The following MYO5A variants were observed in gnomAD, a reference collection of about 807,000 sequenced individuals.
MYO5A encodes unconventional myosin-Va.
MYO5A carries 98 observed loss-of-function variants against 249.7 expected under a neutral mutation model. The ratio of observed to expected loss-of-function variants is 0.39; its 90% confidence interval spans 0.33 to 0.46. The LOEUF (loss-of-function observed/expected upper bound fraction) is 0.46, where lower values mean the gene tolerates loss of function less well. Among genes scored for constraint, MYO5A ranks in the 20% least tolerant of loss-of-function variants. The probability of loss-of-function intolerance (pLI) is 0.98; values close to 1 mark genes in which losing one functional copy is unlikely to be tolerated. For missense variants in MYO5A, 1,696 were observed against 2,308.8 expected (o/e 0.73, Z 5.44); for synonymous variants, 778 against 810.6 (o/e 0.96, Z 0.68).
chr15:52,412,235 C>A (rs1361428707), intron 5 of MYO5A, among the ~76,000 whole-genome samples: 1 of 152,184 alleles, frequency 6.6e-6, no homozygotes, highest in Admixed American at 6.6e-5. Flanking sequence ...CACAGCTTCT[C>A]CTCCTTCCTC....
At chr15:52,354,709 C>G (rs2040124876) in intron 25 of MYO5A, among the ~76,000 whole-genome samples, 1 of 152,098 alleles carries the variant, frequency 6.6e-6, no homozygotes, top group Non-Finnish European at 1.5e-5. Flanking sequence ...TAAAAATTAG[C>G]CGGGCCTGGT....
chr15:52,489,457 G>A (rs978557077), intron 1 of MYO5A, among the ~76,000 whole-genome samples: 12 of 152,042 alleles, frequency 7.9e-5, no homozygotes, highest in South Asian at 6.2e-4. Flanking sequence ...CCAGCTACTC[G>A]GGAGGCGGAG....
intron 1 of MYO5A, among the ~76,000 whole-genome samples, chr15:52,507,681 T>G (rs1259687237): frequency 6.6e-6 from 1 of 151,392 alleles, no homozygotes; most frequent in Non-Finnish European, 1.5e-5. Context: ...CAGGGCATAG[T>G]GGCATGCACC....
chr15:52,481,575 T>C (rs968949882), intron 1 of MYO5A, among the ~76,000 whole-genome samples: 10 of 152,102 alleles, frequency 6.6e-5, no homozygotes, highest in Non-Finnish European at 1.5e-4. Flanking sequence ...CTCACCCAAC[T>C]TGTGCAAAGA....
At position 52,358,258 on chromosome 15, in the gene MYO5A, G is replaced by A. The variant is rs1183480282; in HGVS notation, c.3423+1710C>T. Among the ~76,000 whole-genome samples, 3 of 152,198 alleles carry A rather than the reference G, an allele frequency of 2.0e-5. No individual in the cohort carries two copies. The South Asian group carries it at 6.2e-4, about 32-fold the overall frequency. Reference sequence around the variant, plus strand: ...ATGGCTTCCCCCTACCAGCAGAGCTGCTAAAGTGGTACTACACTGGAATGG... The same window carrying A: ...ATGGCTTCCCCCTACCAGCAGAGCTACTAAAGTGGTACTACACTGGAATGG... On this transcript the variant is annotated intron_variant, in intron 25 of 41. Coordinates refer to ENST00000399233, the MANE Select transcript of MYO5A (RefSeq NM_001382347.1).
At position 52,450,843 on chromosome 15, in the gene MYO5A, G is replaced by GTTTT. The variant is rs56842960; in HGVS notation, c.28-17562_28-17559dup. ...CTTATGATTAGATTGCACTACTGTG[G>GTTTT]TTTTTTTTTTTTTTTTTTTTTTGTG... On this transcript the variant is annotated intron_variant, in intron 1 of 41. Coordinates refer to ENST00000399233, the MANE Select transcript of MYO5A (RefSeq NM_001382347.1). Among the ~76,000 whole-genome samples the GTTTT allele has an allele frequency of 3.9e-3, 332 of 84,450 alleles. 5 individuals are homozygous for GTTTT. The highest frequency in any genetic ancestry group is 0.011 in the Middle Eastern group (1 of 92). The allele number at this position is 84,450 out of a possible 152,430, so 55.4% of individuals were successfully genotyped here.
At chr15:52,403,984 T>C (rs2042877964) in intron 9 of MYO5A, among the ~76,000 whole-genome samples, 1 of 152,092 alleles carries the variant, frequency 6.6e-6, no homozygotes, top group Non-Finnish European at 1.5e-5. Context: ...CAGGGCTGGA[T>C]GTGGTGGCTC....
chr15:52,339,826 G>A (rs1314463976), intron 32 of MYO5A, among the ~76,000 whole-genome samples: 1 of 152,146 alleles, frequency 6.6e-6, no homozygotes, highest in Non-Finnish European at 1.5e-5. Flanking sequence ...GGGACCAAAG[G>A]TAAAGGAAGC....
rs2042535499 is a variant in MYO5A at position 52,397,382 on chromosome 15, G to T, written c.1138C>A (p.Leu380Met). The change falls in exon 10 of 42, where the codon CTG (leucine) becomes ATG (methionine). Residue 380 changes from leucine to methionine, a missense_variant. By Grantham distance (15) the Leu-to-Met change is conservative. This residue lies in a region of MYO5A where 185 missense variants were observed against 204.8 expected (regional missense o/e 0.90). Transcript: ENST00000399233. ...EMCHWLCHRKLATATETYIKP... is the reference protein window; with the variant it reads ...EMCHWLCHRKMATATETYIKP... ...ATGTATGTCTCTGTGGCAGTAGCCA[G>T]TTTCCGATGGCAGAGCCAGTGACAC... 6.2e-7 allele frequency: 1 copy of T among 1,614,026 alleles called. No homozygotes were observed. Among genetic ancestry groups the T allele is most frequent in the Non-Finnish European group, 8.5e-7 (1 of 1,180,012 alleles).
intron 20 of MYO5A, among the ~76,000 whole-genome samples, chr15:52,373,954 AAAATAAATAAAT>A (rs10692704): frequency 7.4e-5 from 11 of 148,220 alleles, no homozygotes; most frequent in African/African-American, 1.2e-4. Flanking sequence ...ACTTCAAATA[AAAATAAATAAAT>A]AAATAAATAA....
chr15:52,451,103 T>C (rs947374147), intron 1 of MYO5A, among the ~76,000 whole-genome samples: 3 of 152,142 alleles, frequency 2.0e-5, no homozygotes, highest in African/African-American at 7.2e-5. Context: ...CATAGACATC[T>C]TAAATTCAAC....
chr15:52,398,029 C>T (rs1222082199), intron 9 of MYO5A, among the ~76,000 whole-genome samples: 1 of 152,082 alleles, frequency 6.6e-6, no homozygotes, highest in Non-Finnish European at 1.5e-5. Context: ...AAGGATTTTC[C>T]AAGCCAAGGA....
At chr15:52,416,385 G>A in intron 4 of MYO5A, 84 bp from the exon 5 acceptor site, 1 of 1,435,742 alleles carries the variant, frequency 7.0e-7, no homozygotes, top group Non-Finnish European at 9.6e-7. Flanking sequence ...CTCTATGGAA[G>A]TAGGGGGCTA....
At chr15:52,335,708 A>C (rs1332463168) in intron 34 of MYO5A, among the ~76,000 whole-genome samples, 2 of 152,116 alleles carry the variant, frequency 1.3e-5, no homozygotes, top group African/African-American at 2.4e-5. Context: ...ATCATCATAT[A>C]GAAATCATGA....
At position 52,446,466 on chromosome 15, in the gene MYO5A, C is replaced by T. The variant is rs2075893507; in HGVS notation, c.28-13181G>A. Among the ~76,000 whole-genome samples, 4 of 152,358 alleles carry T rather than the reference C, an allele frequency of 2.6e-5. 1 individual carries two copies. The South Asian group carries it at 8.3e-4, about 32-fold the overall frequency. On this transcript the variant is annotated intron_variant, in intron 1 of 41. Transcript: ENST00000399233. ...AGCCTGGGTGCCGAGGCAAAAGCCT[C>T]CTGCAGGGGCAAAGCCCTCATAGAG...
In MYO5A at chr15:52,528,848, C is replaced by A; in HGVS notation, c.-42G>T. On this transcript the variant is annotated 5_prime_UTR_variant, in exon 1 of 42. Coordinates refer to ENST00000399233, the MANE Select transcript of MYO5A (RefSeq NM_001382347.1). Reference sequence around the variant, plus strand: ...CTACGCCCCCCGCCTGTGCGGAGGCCGCACCTCGCCTGGGCGGCCGCCCGA... The same window carrying A: ...CTACGCCCCCCGCCTGTGCGGAGGCAGCACCTCGCCTGGGCGGCCGCCCGA... 7.6e-6 allele frequency: 11 copies of A among 1,448,598 alleles called. No individual in the cohort carries two copies. The highest frequency in any genetic ancestry group is 1.0e-5 in the Non-Finnish European group (11 of 1,104,288). The allele number at this position is 1,448,598 out of a possible 1,614,324, so 89.7% of individuals were successfully genotyped here.
At chr15:52,361,076 G>A (rs16964915) in intron 24 of MYO5A, among the ~76,000 whole-genome samples, 2 of 151,984 alleles carry the variant, frequency 1.3e-5, no homozygotes, top group Admixed American at 6.6e-5. Flanking sequence ...CCAGAGGCAC[G>A]TAAAAGTCTC....
At position 52,378,067 on chromosome 15, in the gene MYO5A, C is replaced by T. The variant is rs539911809; in HGVS notation, c.2209-1509G>A. On this transcript the variant is annotated intron_variant, in intron 18 of 41. Coordinates refer to ENST00000399233, the MANE Select transcript of MYO5A (RefSeq NM_001382347.1). ...AAAAGTGGTCCTTACCCGCATCCCG[C>T]TTCACACCTCACACCAACCCTGCCT... 1.3e-4 allele frequency among the ~76,000 whole-genome samples: 20 copies of T among 152,268 alleles called. 1 individual carries two copies. The East Asian group carries it at 3.9e-3, about 29-fold the overall frequency.
At chr15:52,339,958 C>CT (rs1296071282) in intron 32 of MYO5A, among the ~76,000 whole-genome samples, 4 of 152,210 alleles carry the variant, frequency 2.6e-5, no homozygotes, top group Non-Finnish European at 4.4e-5. Flanking sequence ...AGGTGGTTGT[C>CT]TGCCTCCAGG....
Sources: allele counts gnomAD v4.1 joint callset (sites outside exome capture counted in the v4.1 genomes callset), GRCh38; gene constraint gnomAD v4.1.1; regional missense constraint gnomAD v4.1.1; transcripts MANE v1.5; gene names NCBI Gene and HGNC (gene_info 2026-07-23, HGNC 2026-07-21).